CNBD2: variants seen among roughly 807,000 people sequenced by gnomAD.
CNBD2 encodes cyclic nucleotide binding domain containing 2, also known as cyclic nucleotide-binding domain-containing protein 2.
CNBD2 carries 64 observed loss-of-function variants against 63.7 expected under a neutral mutation model. The observed-to-expected ratio is 1.00, with a 90% confidence interval of 0.82 to 1.24. The LOEUF (loss-of-function observed/expected upper bound fraction) is 1.24, where lower values mean the gene tolerates loss of function less well. Among genes scored for constraint, CNBD2 ranks in the 50% most tolerant of loss-of-function variants. The pLI is 0.00. For synonymous variants in CNBD2, 229 were observed against 255.4 expected (o/e 0.90, Z 0.99); for missense variants, 691 against 713.5 (o/e 0.97, Z 0.36).
chr20:35,998,912 G>C (rs1165018691), intron 8 of CNBD2, among the ~76,000 whole-genome samples: 1 of 148,650 alleles, frequency 6.7e-6, no homozygotes, highest in Non-Finnish European at 1.5e-5. Flanking sequence ...TCTTAATAGA[G>C]TTGTTAAAAT....
intron 8 of CNBD2, among the ~76,000 whole-genome samples, chr20:36,003,887 A>AG (rs1347149918): frequency 4.6e-5 from 7 of 151,958 alleles, no homozygotes; most frequent in Non-Finnish European, 8.8e-5. Context: ...AAAAAAAAAA[A>AG]AATCTCTTGA....
At chr20:35,992,847 G>T (rs2056766102) in intron 7 of CNBD2, among the ~76,000 whole-genome samples, 2 of 135,504 alleles carry the variant, frequency 1.5e-5, no homozygotes, top group African/African-American at 5.5e-5. Flanking sequence ...AGCGTTTTTT[G>T]AGTGTTCATC....
chr20:35,965,679 T>G (rs1434377689), upstream of CNBD2, among the ~76,000 whole-genome samples: 1 of 152,186 alleles, frequency 6.6e-6, no homozygotes, highest in Non-Finnish European at 1.5e-5. Context: ...TTTCTAGAAC[T>G]GACTTAAATG....
intron 4 of CNBD2, among the ~76,000 whole-genome samples, chr20:35,982,867 C>T (rs993428280): frequency 1.3e-5 from 2 of 152,010 alleles, no homozygotes; most frequent in Admixed American, 6.6e-5. Context: ...TGTGCACCCC[C>T]ACATTTGGCT....
intron 9 of CNBD2, among the ~76,000 whole-genome samples, chr20:36,009,984 G>A (rs984286784): frequency 2.6e-5 from 4 of 152,130 alleles, no homozygotes; most frequent in Non-Finnish European, 4.4e-5. Flanking sequence ...TCCAGGTTGC[G>A]CAGGTAGAAA....
intron 11 of CNBD2, among the ~76,000 whole-genome samples, chr20:36,030,129 C>CT (rs2057326568): frequency 6.6e-6 from 1 of 152,300 alleles, no homozygotes; most frequent in African/African-American, 2.4e-5. Flanking sequence ...TTCAGACTGG[C>CT]TGCATTTCAG....
chr20:35,986,271 C>A (rs1157423570), intron 6 of CNBD2, among the ~76,000 whole-genome samples: 1 of 151,864 alleles, frequency 6.6e-6, no homozygotes, highest in Non-Finnish European at 1.5e-5. Flanking sequence ...GTGGCTGGGG[C>A]TGAGAGAGGT....
At chr20:35,975,456 A>G (rs1285808328) in intron 2 of CNBD2, among the ~76,000 whole-genome samples, 1 of 96,048 alleles carries the variant, frequency 1.0e-5, no homozygotes, top group African/African-American at 4.6e-5. Context: ...GCCCGCTACC[A>G]CGCCCGGCTA....
Position 35,995,108 on chromosome 20 carries a change from A to C in CNBD2, c.926A>C (p.His309Pro), listed in dbSNP as rs781366469. 6.2e-7 allele frequency: 1 copy of C among 1,614,054 alleles called. No homozygotes were observed. Among genetic ancestry groups the C allele is most frequent in the East Asian group, 2.2e-5 (1 of 44,876 alleles). ...TCCTACCGTAGATGGATCTGGCAGC[A>C]CCTGGAGCTGATAGATGGCAGACCT... The part of the protein sequence containing the change: ...SPSYRRWIWQ[H>P]LELIDGRPLK... The change falls in exon 8 of 12, where the codon CAC (histidine) becomes CCC (proline). Residue 309 changes from histidine (H) to proline (P), a missense_variant. Coordinates refer to ENST00000373973, the MANE Select transcript of CNBD2 (RefSeq NM_001365709.1).
intron 3 of CNBD2, 151 bp downstream of exon 3, chr20:35,976,153 A>T: frequency 1.6e-6 from 1 of 643,440 alleles, no homozygotes; most frequent in Admixed American, 2.3e-5. Context: ...TCGTTTCCTC[A>T]TCAATAAAAT....
chr20:36,002,073 T>C (rs2440940), intron 8 of CNBD2, among the ~76,000 whole-genome samples: 36,333 of 152,068 alleles, frequency 0.24, 5,760 homozygotes, highest in African/African-American at 0.45. Flanking sequence ...TGTAGTGAGC[T>C]GAGATCACGC....
At chr20:36,008,188 T>C (rs773282076) in intron 8 of CNBD2, 109 bp from the exon 9 acceptor site, 3 of 836,018 alleles carry the variant, frequency 3.6e-6, no homozygotes, top group Admixed American at 2.6e-5. Context: ...AATTTCCCCA[T>C]GTGCTAGACC....
chr20:35,980,484 A>G lies in CNBD2; in HGVS notation c.269A>G (p.Gln90Arg). The G allele has an allele frequency of 6.2e-7, 1 of 1,614,200 alleles. No individual in the cohort carries two copies. Among genetic ancestry groups the G allele is most frequent in the Non-Finnish European group, 8.5e-7 (1 of 1,180,032 alleles). ...EEGHFPPKAI[Q>R]IMQKKPSWRT... Reference sequence around the variant, plus strand: ...GGTCACTTTCCTCCAAAGGCCATTCAGATCATGCAGAAGAAGCCTTCCTGG... The same window carrying G: ...GGTCACTTTCCTCCAAAGGCCATTCGGATCATGCAGAAGAAGCCTTCCTGG... The change falls in exon 4 of 12, where the codon CAG becomes CGG. Residue 90 changes from glutamine to arginine, a missense_variant. Physicochemically the swap from Gln to Arg is conservative, Grantham distance 43 (BLOSUM62 1). Coordinates refer to ENST00000373973, the MANE Select transcript of CNBD2 (RefSeq NM_001365709.1).
intron 6 of CNBD2, among the ~76,000 whole-genome samples, chr20:35,986,102 A>G (rs2056663932): frequency 6.6e-6 from 1 of 152,262 alleles, no homozygotes; most frequent in Non-Finnish European, 1.5e-5. Flanking sequence ...AAGGCCACGT[A>G]AGGATATGCA....
chr20:35,982,118 G>C (rs2056606047), intron 4 of CNBD2, among the ~76,000 whole-genome samples: 1 of 152,172 alleles, frequency 6.6e-6, no homozygotes, highest in South Asian at 2.1e-4. Flanking sequence ...CCTGCTGCTG[G>C]TCAAGCCAGC....
chr20:35,967,342 C>A (rs1194872746), upstream of CNBD2, among the ~76,000 whole-genome samples: 1 of 148,192 alleles, frequency 6.7e-6, no homozygotes, highest in Admixed American at 6.8e-5. Context: ...CTCTGCCTCC[C>A]GGGTTCAAGT....
chr20:35,975,905 A>G, intron 2 of CNBD2, 44 bp from the exon 3 acceptor site: 1 of 1,567,568 alleles, frequency 6.4e-7, no homozygotes. Context: ...TTCTAGGGGC[A>G]GTCTTGCTGA....
intron 11 of CNBD2, among the ~76,000 whole-genome samples, chr20:36,029,760 G>A (rs1344196511): frequency 6.6e-6 from 1 of 152,226 alleles, no homozygotes; most frequent in Non-Finnish European, 1.5e-5. Context: ...TATTCAGCTT[G>A]TCTGCTTAGG....
At chr20:35,996,907 CT>C (rs1486720667) in intron 8 of CNBD2, among the ~76,000 whole-genome samples, 1 of 152,156 alleles carries the variant, frequency 6.6e-6, no homozygotes, top group Admixed American at 6.5e-5. Flanking sequence ...AGTTGGGATT[CT>C]AACCCAGGCA....
Sources: gnomAD v4.1 joint callset for allele counts (sites outside exome capture counted in the v4.1 genomes callset) on GRCh38, gnomAD v4.1.1 for gene constraint, MANE v1.5 for transcripts, NCBI Gene and HGNC (gene_info 2026-07-23, HGNC 2026-07-21) for gene names.